The following CSGALNACT1 variants were observed in gnomAD, a reference collection of about 807,000 sequenced individuals.
CSGALNACT1 encodes the protein beta4GalNAcT-1.
CSGALNACT1 carries 52 observed loss-of-function variants against 51.0 expected under a neutral mutation model. That is an observed-to-expected ratio of 1.02 (90% CI 0.82 to 1.29). The LOEUF (loss-of-function observed/expected upper bound fraction) is 1.29, where lower values mean the gene tolerates loss of function less well. Ranked by LOEUF, CSGALNACT1 falls within the 50% of genes most tolerant of loss-of-function variation. The pLI is 0.00. For synonymous variants in CSGALNACT1, 341 were observed against 254.4 expected, an observed-to-expected ratio of 1.34 and a Z score of -3.24; for missense variants, 935 against 679.2, an observed-to-expected ratio of 1.38 and a Z score of -4.19.
chr8:19,525,615 CAAAAAAAAAAAAAAAAAAAAA>C lies in CSGALNACT1; in HGVS notation c.-296-19506_-296-19486del, dbSNP rs34787475. 5.4e-4 allele frequency among the ~76,000 whole-genome samples: 11 copies of C among 20,386 alleles called. 1 individual carries two copies. In the Admixed American group the frequency reaches 6.2e-3, roughly 11 times the overall value. 13.4% of individuals were successfully genotyped at this position (20,386 alleles called of 152,430 possible). ...CTGGCTGACAGAGGGAAACTTGTCC[CAAAAAAAAAAAAAAAAAAAAA>C]AAAAAAAAAAAAAGTAGAGCCCACC... On this transcript the variant is annotated intron_variant, in intron 3 of 9. Transcript: ENST00000454498.
intron 1 of CSGALNACT1, among the ~76,000 whole-genome samples, chr8:19,676,309 A>G (rs1035541919): frequency 1.3e-5 from 2 of 152,168 alleles, no homozygotes; most frequent in African/African-American, 4.8e-5. Context: ...TATTTTAGCT[A>G]TGTTCCATAA....
Position 19,430,696 on chromosome 8 carries a change from G to C in CSGALNACT1, c.953+9134C>G, listed in dbSNP as rs527468819. ...CTATTTTGGGCCCTTGCATTTCCAC[G>C]TGAGTTTTAGAATCAGCTTGTCCAT... On this transcript the variant is annotated intron_variant, in intron 6 of 9. Transcript: ENST00000454498. 3.3e-5 allele frequency among the ~76,000 whole-genome samples: 5 copies of C among 152,196 alleles called. No homozygotes were observed. In the East Asian group the frequency reaches 5.8e-4, roughly 18 times the overall value.
intron 1 of CSGALNACT1, among the ~76,000 whole-genome samples, chr8:19,746,064 G>C (rs927078971): frequency 1.3e-5 from 2 of 152,096 alleles, no homozygotes; most frequent in African/African-American, 4.8e-5. Flanking sequence ...TCTGAGAAAG[G>C]AACTCAGATA....
chr8:19,438,272 A>G (rs1248581603), intron 6 of CSGALNACT1, among the ~76,000 whole-genome samples: 1 of 152,176 alleles, frequency 6.6e-6, no homozygotes, highest in African/African-American at 2.4e-5. Context: ...AATTGTTCTC[A>G]ATTGTGGCTT....
At chr8:19,752,040 G>A (rs1053811759) in intron 1 of CSGALNACT1, among the ~76,000 whole-genome samples, 22 of 146,262 alleles carry the variant, frequency 1.5e-4, no homozygotes, top group Non-Finnish European at 2.5e-4. Flanking sequence ...AATATACAAT[G>A]TTATATAATA....
intron 3 of CSGALNACT1, among the ~76,000 whole-genome samples, chr8:19,539,117 C>T (rs2084464181): frequency 6.6e-6 from 1 of 152,100 alleles, no homozygotes; most frequent in African/African-American, 2.4e-5. Flanking sequence ...TTTTGATATA[C>T]ATATACCAAG....
intron 6 of CSGALNACT1, among the ~76,000 whole-genome samples, chr8:19,432,488 T>C (rs2059784131): frequency 6.6e-6 from 1 of 152,198 alleles, no homozygotes; most frequent in Non-Finnish European, 1.5e-5. Context: ...TTGAGAAATT[T>C]TTAGCCATTA....
At chr8:19,505,885 C>T (rs780431931) in exon 4 of CSGALNACT1, 15 of 1,599,950 alleles carry the variant, frequency 9.4e-6, no homozygotes, top group Admixed American at 1.7e-5. Flanking sequence ...AAAGCCGGGG[C>T]CCCCACGGAA....
At chr8:19,499,938 C>T (rs1019051098) in intron 4 of CSGALNACT1, among the ~76,000 whole-genome samples, 8 of 152,200 alleles carry the variant, frequency 5.3e-5, no homozygotes, top group African/African-American at 1.2e-4. Context: ...TCTTTTCTCA[C>T]CATCACCACA....
At chr8:19,497,613 T>G (rs146833211) in intron 4 of CSGALNACT1, among the ~76,000 whole-genome samples, 10 of 152,278 alleles carry the variant, frequency 6.6e-5, no homozygotes, top group African/African-American at 1.7e-4. Flanking sequence ...CACTTCTGCA[T>G]AGAGATGGAA....
intron 1 of CSGALNACT1, among the ~76,000 whole-genome samples, chr8:19,611,970 T>A (rs13260856): frequency 0.14 from 21,437 of 151,834 alleles, 1,830 homozygotes; most frequent in African/African-American, 0.25. Context: ...AATTGATTAA[T>A]TCTAAGACTC....
rs374136988 is a variant in CSGALNACT1, at chr8:19,455,851, C to T, written c.851+2575G>A. 9.7e-4 allele frequency among the ~76,000 whole-genome samples: 147 copies of T among 152,300 alleles called. 1 individual carries two copies. The highest frequency in any genetic ancestry group is 3.7e-3 in the Admixed American group (57 of 15,298). ...TTCTGCTATTAGTGAAAGTAGGCAC[C>T]GCATCTTCAATTCATCTTCTGATCC... is the stretch of plus-strand genomic sequence containing the variant. On this transcript the variant is annotated intron_variant, in intron 5 of 9. Transcript: ENST00000454498.
At chr8:19,475,022 G>A (rs147193239) in intron 4 of CSGALNACT1, among the ~76,000 whole-genome samples, 153 of 152,246 alleles carry the variant, frequency 1.0e-3, no homozygotes, top group Middle Eastern at 6.8e-3. Context: ...TAACACCGTG[G>A]TCAGGGCCAG....
chr8:19,444,622 T>C (rs2061823757), intron 5 of CSGALNACT1, among the ~76,000 whole-genome samples: 2 of 152,216 alleles, frequency 1.3e-5, no homozygotes, highest in African/African-American at 4.8e-5. Flanking sequence ...TAAAGATCCT[T>C]GAGCTCTAAA....
At chr8:19,704,769 A>G (rs2062065543) in intron 1 of CSGALNACT1, among the ~76,000 whole-genome samples, 1 of 152,208 alleles carries the variant, frequency 6.6e-6, no homozygotes, top group South Asian at 2.1e-4. Flanking sequence ...ACCTTAAAAA[A>G]GTAGAAAATC....
intron 4 of CSGALNACT1, among the ~76,000 whole-genome samples, chr8:19,477,792 A>C (rs549704691): frequency 1.3e-5 from 2 of 152,230 alleles, no homozygotes; most frequent in African/African-American, 2.4e-5. Flanking sequence ...ACTGAAATAC[A>C]TATGTAGCAC....
intron 6 of CSGALNACT1, among the ~76,000 whole-genome samples, chr8:19,430,914 T>C (rs1208183857): frequency 6.6e-6 from 1 of 152,180 alleles, no homozygotes; most frequent in Admixed American, 6.5e-5. Context: ...ATTACATTCA[T>C]TTCTATGTTT....
At chr8:19,603,942 A>T (rs1372104077), upstream of CSGALNACT1, among the ~76,000 whole-genome samples, 2 of 152,290 alleles carry the variant, frequency 1.3e-5, no homozygotes, top group African/African-American at 4.8e-5. Flanking sequence ...TCTCATCTAC[A>T]CACAGTAACA....
chr8:19,663,316 A>T (rs2058918784), intron 1 of CSGALNACT1, among the ~76,000 whole-genome samples: 1 of 152,110 alleles, frequency 6.6e-6, no homozygotes, highest in South Asian at 2.1e-4. Context: ...TGGTTGAAGG[A>T]TACAATACTA....
Sources: allele counts gnomAD v4.1 joint callset (sites outside exome capture counted in the v4.1 genomes callset), GRCh38; gene constraint gnomAD v4.1.1; transcripts MANE v1.5; gene names NCBI Gene and HGNC (gene_info 2026-07-23, HGNC 2026-07-21).